The following TRIM37 variants were observed in gnomAD, a reference collection of about 807,000 sequenced individuals.
TRIM37 encodes E3 ubiquitin-protein ligase TRIM37.
Under a neutral mutation model 129.8 loss-of-function variants are expected in TRIM37, and 80 were observed. That is an observed-to-expected ratio of 0.62 (90% CI 0.51 to 0.74). TRIM37 has a LOEUF of 0.74. TRIM37 is among the 30% of genes least tolerant of loss of function. The probability of loss-of-function intolerance (pLI) is 0.00; values close to 1 mark genes in which losing one functional copy is unlikely to be tolerated. For synonymous variants in TRIM37, 389 were observed against 387.1 expected, an observed-to-expected ratio of 1.00 and a Z score of -0.06; for missense variants, 1,054 against 1,176.5, an observed-to-expected ratio of 0.90 and a Z score of 1.52.
intron 2 of TRIM37, among the ~76,000 whole-genome samples, chr17:59,101,677 A>AAAAAAAAT (rs1568265833): frequency 5.9e-5 from 6 of 101,556 alleles, no homozygotes; most frequent in Admixed American, 1.3e-4. Flanking sequence ...AAAAAAAAAA[A>AAAAAAAAT]ATATATATAT....
chr17:59,031,870 G>T, intron 18 of TRIM37, 26 bp downstream of exon 18: 1 of 1,610,776 alleles, frequency 6.2e-7, no homozygotes, highest in African/African-American at 1.3e-5. Context: ...CAGAAAAAAA[G>T]GAAATTATCA....
At chr17:58,984,683 G>GT (rs1347964844) in intron 24 of TRIM37, 7 of 152,704 alleles carry the variant, frequency 4.6e-5, no homozygotes, top group Non-Finnish European at 7.4e-5. Flanking sequence ...GCAAAACAAA[G>GT]TAAGATACCA....
intron 22 of TRIM37, among the ~76,000 whole-genome samples, chr17:59,007,834 C>A (rs1326284530): frequency 6.6e-6 from 1 of 152,148 alleles, no homozygotes; most frequent in Non-Finnish European, 1.5e-5. Context: ...AATTCCCAGC[C>A]AGTACCACAA....
In TRIM37 at chr17:59,012,956, C is replaced by G. The variant is rs1353126330; in HGVS notation, c.2577-510G>C. 3.3e-5 allele frequency among the ~76,000 whole-genome samples: 5 copies of G among 151,830 alleles called. No individual in the cohort carries two copies. The East Asian group carries it at 7.7e-4, about 23-fold the overall frequency. On this transcript the variant is annotated intron_variant, in intron 21 of 23. Transcript: ENST00000262294. ...GGTGGATTACATCAATGTTGGTATC[C>G]TGGTTGTGATATTGTACTACAGTTT...
At chr17:59,093,509 T>A (rs772288093) in intron 2 of TRIM37, among the ~76,000 whole-genome samples, 3 of 152,228 alleles carry the variant, frequency 2.0e-5, no homozygotes, top group Non-Finnish European at 4.4e-5. Context: ...TCCCTGACAC[T>A]CTGCAGACTA....
intron 16 of TRIM37, among the ~76,000 whole-genome samples, chr17:59,045,507 TG>T (rs1410641200): frequency 1.3e-5 from 2 of 150,294 alleles, no homozygotes; most frequent in Non-Finnish European, 3.0e-5. Context: ...GGTGTGGTGG[TG>T]GGTGCCTGTA....
At chr17:58,994,979 C>A (rs1403293107), downstream of TRIM37, among the ~76,000 whole-genome samples, 1 of 152,092 alleles carries the variant, frequency 6.6e-6, no homozygotes, top group African/African-American at 2.4e-5. Flanking sequence ...GAACTCCCGA[C>A]CTCAGGTGAT....
At chr17:59,092,632 T>C (rs2044500659) in intron 2 of TRIM37, among the ~76,000 whole-genome samples, 2 of 152,094 alleles carry the variant, frequency 1.3e-5, no homozygotes, top group Non-Finnish European at 1.5e-5. Flanking sequence ...TAAAAAAAAC[T>C]TTATGTTTTA....
intron 24 of TRIM37, among the ~76,000 whole-genome samples, chr17:58,986,581 C>T (rs141051834): frequency 0.01 from 1,453 of 139,644 alleles, 15 homozygotes; most frequent in Middle Eastern, 0.049. Flanking sequence ...GGTGCAATCT[C>T]GGCTCACTGC....
intron 9 of TRIM37, among the ~76,000 whole-genome samples, chr17:59,068,848 G>T (rs2042131532): frequency 6.6e-6 from 1 of 152,158 alleles, no homozygotes; most frequent in Admixed American, 6.5e-5. Flanking sequence ...TCAGTCAGGG[G>T]TGATTTTGTC....
chr17:59,001,851 T>A, intron 22 of TRIM37, 137 bp from the exon 23 acceptor site: 1 of 1,256,014 alleles, frequency 8.0e-7, no homozygotes, highest in Non-Finnish European at 1.1e-6. Flanking sequence ...AACTAAACAC[T>A]AACAAAACAA....
Position 59,043,127 on chromosome 17 carries a change from T to A in TRIM37, c.1668-1229A>T, listed in dbSNP as rs1029487392. On this transcript the variant is annotated intron_variant, in intron 16 of 23. Coordinates refer to ENST00000262294, the MANE Select transcript of TRIM37 (RefSeq NM_015294.6). ...GAGGGTATTACTTCCTACTCGGCCATACAAAGTCTCTCATGTTAAAAAACA... is the reference window on the plus strand; with the variant it reads ...GAGGGTATTACTTCCTACTCGGCCAAACAAAGTCTCTCATGTTAAAAAACA... 1.7e-4 allele frequency among the ~76,000 whole-genome samples: 26 copies of A among 152,314 alleles called. No homozygotes were observed. The Middle Eastern group carries it at 0.01, about 60-fold the overall frequency.
chr17:59,042,516 A>G (rs2039363111), intron 16 of TRIM37, among the ~76,000 whole-genome samples: 1 of 146,544 alleles, frequency 6.8e-6, no homozygotes, highest in African/African-American at 2.6e-5. Context: ...AAATCCCAGA[A>G]CTTTGGGAGG....
intron 24 of TRIM37, among the ~76,000 whole-genome samples, chr17:58,990,178 CAAAAAAAAAAAAAAA>C (rs35076409): frequency 2.0e-4 from 5 of 25,596 alleles, no homozygotes; most frequent in East Asian, 1.5e-3. Context: ...GACCTTGTCT[CAAAAAAAAAAAAAAA>C]AAAAAAAAAA....
chr17:59,101,414 A>T (rs531518384), intron 2 of TRIM37, among the ~76,000 whole-genome samples: 3 of 152,128 alleles, frequency 2.0e-5, no homozygotes, highest in Non-Finnish European at 4.4e-5. Flanking sequence ...AAATAATCTA[A>T]GCATGAGGTA....
chr17:59,072,361 A>G (rs764552987), intron 8 of TRIM37, among the ~76,000 whole-genome samples: 12 of 152,220 alleles, frequency 7.9e-5, no homozygotes, highest in South Asian at 2.1e-4. Flanking sequence ...TGCCATATGA[A>G]TGATATTCAT....
chr17:58,996,447 C>A (rs985981121), downstream of TRIM37, among the ~76,000 whole-genome samples: 2 of 149,718 alleles, frequency 1.3e-5, no homozygotes, highest in Admixed American at 6.7e-5. Context: ...TCCAGCCTGG[C>A]CGACAGAGTG....
chr17:59,088,300 T>C lies in TRIM37; in HGVS notation c.272A>G (p.Glu91Gly). The C allele has an allele frequency of 1.2e-6, 2 of 1,609,148 alleles. No individual in the cohort carries two copies. Among genetic ancestry groups the C allele is most frequent in the Non-Finnish European group, 1.7e-6 (2 of 1,175,882 alleles). Residue 91 changes from glutamate to glycine, a missense_variant, in exon 4 of 24, where the codon GAA becomes GGA. Glu to Gly is a moderately conservative substitution (Grantham distance 98, BLOSUM62 -2). Transcript: ENST00000262294. The stretch of plus-strand genomic sequence containing the variant: ...GAAATTGAGGACATACTTGTCCTTT[T>C]CATTTTCTTCATGTTTGGTGAGACT... The part of the protein sequence containing the change: ...LCSLTKHEEN[E>G]KDKCENHHEK...
At chr17:59,040,768 C>T (rs1318834113) in intron 17 of TRIM37, among the ~76,000 whole-genome samples, 3 of 152,148 alleles carry the variant, frequency 2.0e-5, no homozygotes, top group South Asian at 4.2e-4. Flanking sequence ...TATGCCAGGC[C>T]GGGCGCGGTG....
Sources: gnomAD v4.1 joint callset for allele counts (sites outside exome capture counted in the v4.1 genomes callset) on GRCh38, gnomAD v4.1.1 for gene constraint, MANE v1.5 for transcripts, NCBI Gene and HGNC (gene_info 2026-07-23, HGNC 2026-07-21) for gene names.